Variants in MEIKIN observed in about 807,000 individuals in gnomAD.
MEIKIN encodes the protein meiotic kinetochore factor.
At chr5:131,938,702 T>C (rs1200975680) in intron 4 of MEIKIN, among the ~76,000 whole-genome samples, 3 of 152,242 alleles carry the variant, frequency 2.0e-5, no homozygotes, top group African/African-American at 7.2e-5. Flanking sequence ...ACTTGTTTCA[T>C]GGACATAACA....
intron 1 of MEIKIN, 49 bp downstream of exon 1, chr5:131,945,351 C>A: frequency 2.5e-6 from 1 of 399,028 alleles, no homozygotes; most frequent in Non-Finnish European, 4.4e-6. Flanking sequence ...CGGTCCCGTC[C>A]CGGAGGCAGC....
intron 11 of MEIKIN, among the ~76,000 whole-genome samples, chr5:131,821,944 A>G (rs1037219711): frequency 2.6e-5 from 4 of 151,956 alleles, no homozygotes; most frequent in Admixed American, 2.0e-4. Context: ...AGCTCTACTA[A>G]TATTTGCTTT....
rs148802993 is a variant in MEIKIN, at chr5:131,929,114, A to G, written c.478+4399T>C. ...TAATTTTTCTTTCAGCACTTTGAAT[A>G]TATCATCCCATTCTCTCTGATCTGT... On this transcript the variant is annotated intron_variant, in intron 5 of 12. Coordinates refer to ENST00000442687, the MANE Select transcript of MEIKIN (RefSeq NM_001303622.2). 6.0e-3 allele frequency among the ~76,000 whole-genome samples: 911 copies of G among 152,300 alleles called. 5 individuals are homozygous for G. The highest frequency in any genetic ancestry group is 0.021 in the African/African-American group (873 of 41,558).
intron 6 of MEIKIN, among the ~76,000 whole-genome samples, chr5:131,919,214 A>T (rs1004576443): frequency 3.3e-5 from 5 of 152,222 alleles, no homozygotes; most frequent in African/African-American, 9.6e-5. Context: ...ATTAAAAAAA[A>T]ATATGACAAC....
At chr5:131,833,592 CT>C (rs1456104270) in intron 11 of MEIKIN, among the ~76,000 whole-genome samples, 1 of 152,162 alleles carries the variant, frequency 6.6e-6, no homozygotes, top group Non-Finnish European at 1.5e-5. Flanking sequence ...GCGAAAAGCA[CT>C]TCTTACATGG....
At chr5:131,835,241 T>C (rs928391109) in intron 11 of MEIKIN, among the ~76,000 whole-genome samples, 2 of 150,968 alleles carry the variant, frequency 1.3e-5, no homozygotes, top group African/African-American at 4.9e-5. Context: ...TATGTATATA[T>C]GTGTATATAT....
chr5:131,868,332 C>G (rs1360159455), intron 9 of MEIKIN, among the ~76,000 whole-genome samples: 1 of 152,172 alleles, frequency 6.6e-6, no homozygotes, highest in Non-Finnish European at 1.5e-5. Flanking sequence ...AATCCACTTG[C>G]CTCAGTCCCC....
intron 5 of MEIKIN, among the ~76,000 whole-genome samples, chr5:131,925,045 T>C (rs563022344): frequency 9.2e-5 from 14 of 152,364 alleles, no homozygotes; most frequent in Admixed American, 6.5e-4. Context: ...GGATATTCAG[T>C]TTTCCCAATA....
At chr5:131,935,252 G>C (rs1436086721) in intron 4 of MEIKIN, among the ~76,000 whole-genome samples, 1 of 129,820 alleles carries the variant, frequency 7.7e-6, no homozygotes, top group Non-Finnish European at 1.6e-5. Context: ...GCAACATAGT[G>C]GAACCCCGTC....
At chr5:131,830,426 A>G (rs1348061458) in intron 11 of MEIKIN, among the ~76,000 whole-genome samples, 3 of 152,246 alleles carry the variant, frequency 2.0e-5, no homozygotes, top group Non-Finnish European at 4.4e-5. Context: ...ACAGAAAACA[A>G]AACAAACAAA....
At chr5:131,819,287 T>G (rs892328703) in intron 11 of MEIKIN, among the ~76,000 whole-genome samples, 2 of 151,806 alleles carry the variant, frequency 1.3e-5, no homozygotes, top group Non-Finnish European at 2.9e-5. Context: ...CAATTTCCCA[T>G]CAGGCAGATA....
intron 6 of MEIKIN, among the ~76,000 whole-genome samples, chr5:131,919,454 G>A (rs1751469928): frequency 3.3e-5 from 5 of 152,082 alleles, no homozygotes; most frequent in Admixed American, 3.3e-4. Flanking sequence ...TGTTGATGGT[G>A]GCAAAATACT....
intron 8 of MEIKIN, among the ~76,000 whole-genome samples, chr5:131,904,220 T>G (rs1010152903): frequency 2.6e-5 from 4 of 152,130 alleles, no homozygotes; most frequent in Non-Finnish European, 4.4e-5. Context: ...AGAATAATAA[T>G]GGGACATTTA....
Position 131,942,668 on chromosome 5 carries a change from C to T in MEIKIN, c.316G>A (p.Asp106Asn), listed in dbSNP as rs879325022. The change falls in exon 4 of 13, where the codon GAT (aspartate) becomes AAT (asparagine). Residue 106 changes from aspartate (D) to asparagine (N), a missense_variant. Physicochemically the swap from Asp to Asn is conservative, Grantham distance 23. Coordinates refer to ENST00000442687, the MANE Select transcript of MEIKIN (RefSeq NM_001303622.2). ...AGTTCACTATTTGATGAACTACTATCAACCTGGAGGTCATCAGTAACTGAT... is the reference window on the plus strand; with the variant it reads ...AGTTCACTATTTGATGAACTACTATTAACCTGGAGGTCATCAGTAACTGAT... ...RESVTDDLQV[D>N]SSSSNSELVS... The T allele has an allele frequency of 2.5e-6, 1 of 398,426 alleles. No homozygotes were observed. The highest frequency in any genetic ancestry group is 4.4e-6 in the Non-Finnish European group (1 of 225,814). 24.7% of individuals were successfully genotyped at this position (398,426 alleles called of 1,614,324 possible). A position where few individuals can be genotyped will look rare whatever the true frequency, so the allele number is the denominator to read the frequency against.
chr5:131,919,204 A>G (rs930704635), intron 6 of MEIKIN, among the ~76,000 whole-genome samples: 2 of 152,210 alleles, frequency 1.3e-5, no homozygotes, highest in African/African-American at 4.8e-5. Flanking sequence ...AGTAGCAAAA[A>G]TTAAAAAAAA....
At chr5:131,841,371 T>A (rs1483976666) in intron 11 of MEIKIN, among the ~76,000 whole-genome samples, 1 of 152,172 alleles carries the variant, frequency 6.6e-6, no homozygotes, top group African/African-American at 2.4e-5. Flanking sequence ...GTGGGGCACA[T>A]ACTCATCAGC....
intron 8 of MEIKIN, among the ~76,000 whole-genome samples, chr5:131,898,872 T>C (rs908827048): frequency 2.8e-4 from 42 of 152,316 alleles, no homozygotes; most frequent in African/African-American, 1.0e-3. Flanking sequence ...CCCTGACCCC[T>C]TGCACTTCCC....
chr5:131,835,904 TTTTTAAC>T (rs1436947954), intron 11 of MEIKIN, among the ~76,000 whole-genome samples: 10 of 152,274 alleles, frequency 6.6e-5, no homozygotes, highest in East Asian at 3.9e-4. Flanking sequence ...TGTCTGTCTT[TTTTTAAC>T]TTTTAAGTTC....
chr5:131,850,955 GAAAGA>G (rs1308356525), intron 11 of MEIKIN, among the ~76,000 whole-genome samples: 1 of 151,738 alleles, frequency 6.6e-6, no homozygotes, highest in African/African-American at 2.4e-5. Flanking sequence ...CAAAAAAAAA[GAAAGA>G]AAAGAAAAGA....
Sources: allele counts gnomAD v4.1 joint callset (sites outside exome capture counted in the v4.1 genomes callset), GRCh38; gene constraint gnomAD v4.1.1; transcripts MANE v1.5; gene names NCBI Gene and HGNC (gene_info 2026-07-23, HGNC 2026-07-21).